Variants in CNTNAP4 observed in about 807,000 individuals in gnomAD.
CNTNAP4 encodes the protein contactin associated protein family member 4.
A neutral mutation model predicts 148.4 loss-of-function variants in CNTNAP4; 98 were observed. The ratio of observed to expected loss-of-function variants is 0.66; its 90% CI spans 0.56 to 0.78. The LOEUF (loss-of-function observed/expected upper bound fraction) is 0.78. CNTNAP4 is among the 30% of genes least tolerant of loss of function. CNTNAP4 has a pLI of 0.00. For synonymous variants in CNTNAP4, 730 were observed against 565.1 expected (o/e 1.29, Z -4.14); for missense variants, 1,935 against 1,565.6 (o/e 1.24, Z -3.98).
chr16:76,468,638 C>A (rs2081261091), intron 10 of CNTNAP4, among the ~76,000 whole-genome samples: 1 of 152,064 alleles, frequency 6.6e-6, no homozygotes, highest in South Asian at 2.1e-4. Context: ...GCACACAACA[C>A]CAGGCCTAGC....
At chr16:76,286,470 G>A (rs573007305) in intron 1 of CNTNAP4, among the ~76,000 whole-genome samples, 4 of 152,046 alleles carry the variant, frequency 2.6e-5, no homozygotes, top group African/African-American at 4.8e-5. Context: ...ACCCTTTTGC[G>A]ATCTCAAAGA....
intron 2 of CNTNAP4, among the ~76,000 whole-genome samples, chr16:76,336,867 CTG>C (rs1404605138): frequency 6.6e-6 from 1 of 152,146 alleles, no homozygotes; most frequent in Admixed American, 6.5e-5. Context: ...CCAGAAATCT[CTG>C]TTAGGGCCAC....
At chr16:76,303,923 C>A (rs1434320219) in intron 1 of CNTNAP4, among the ~76,000 whole-genome samples, 14 of 152,134 alleles carry the variant, frequency 9.2e-5, no homozygotes, top group Middle Eastern at 3.4e-3. Context: ...TGATTTCTCT[C>A]TTTCTCTTTG....
chr16:76,433,764 T>G (rs2079703098), intron 4 of CNTNAP4, among the ~76,000 whole-genome samples: 1 of 152,122 alleles, frequency 6.6e-6, no homozygotes, highest in Non-Finnish European at 1.5e-5. Flanking sequence ...ACCTATTTAT[T>G]GAGCAACTCC....
Position 76,507,695 on chromosome 16 carries a change from A to C in CNTNAP4, c.2365+9001A>C, listed in dbSNP as rs879414687. On this transcript the variant is annotated intron_variant, in intron 15 of 23. Coordinates refer to ENST00000611870, the MANE Select transcript of CNTNAP4 (RefSeq NM_033401.5). ...ACATAGGGCCTGCCCAAGTGTTCTA[A>C]CTGTAGTTGCAGTATGTTCAGAACC... 2.0e-5 allele frequency among the ~76,000 whole-genome samples: 2 copies of C among 98,026 alleles called. 1 individual carries two copies. The highest frequency in any genetic ancestry group is 2.0e-4 in the Admixed American group (2 of 10,044). The allele number at this position is 98,026 out of a possible 152,430, so 64.3% of individuals were successfully genotyped here.
chr16:76,450,914 G>C (rs142211412), intron 7 of CNTNAP4, among the ~76,000 whole-genome samples: 20 of 152,310 alleles, frequency 1.3e-4, no homozygotes, highest in Non-Finnish European at 2.1e-4. Context: ...GAAGTGCGAG[G>C]ATCAGAGAAG....
chr16:76,515,387 C>T (rs1344005219), intron 15 of CNTNAP4, among the ~76,000 whole-genome samples: 1 of 152,070 alleles, frequency 6.6e-6, no homozygotes, highest in African/African-American at 2.4e-5. Context: ...GGGTGGTGCC[C>T]TAATTCAATA....
At chr16:76,397,604 T>G (rs898191788) in intron 3 of CNTNAP4, among the ~76,000 whole-genome samples, 2 of 152,022 alleles carry the variant, frequency 1.3e-5, no homozygotes, top group East Asian at 3.9e-4. Context: ...GCAGTAAATA[T>G]TTAACAATTA....
At chr16:76,336,366 G>T (rs767196392) in intron 2 of CNTNAP4, among the ~76,000 whole-genome samples, 1 of 152,180 alleles carries the variant, frequency 6.6e-6, no homozygotes, top group Non-Finnish European at 1.5e-5. Flanking sequence ...GCATTATCAA[G>T]TTGTTAGCTT....
chr16:76,294,257 G>C (rs1259987997), intron 1 of CNTNAP4, among the ~76,000 whole-genome samples: 1 of 152,154 alleles, frequency 6.6e-6, no homozygotes, highest in Non-Finnish European at 1.5e-5. Context: ...AGCAGACTGT[G>C]ATCCATACTA....
intron 3 of CNTNAP4, among the ~76,000 whole-genome samples, chr16:76,403,341 C>T (rs1040419877): frequency 1.3e-5 from 2 of 152,086 alleles, no homozygotes; most frequent in Non-Finnish European, 2.9e-5. Flanking sequence ...GATCCACCCA[C>T]CTCGGCCTCC....
At position 76,560,112 on chromosome 16, in the gene CNTNAP4, A is replaced by G. The variant is rs748623151; in HGVS notation, c.*1429A>G. 6.6e-6 allele frequency among the ~76,000 whole-genome samples: 1 copy of G among 152,182 alleles called. No homozygotes were observed. Among genetic ancestry groups the G allele is most frequent in the Non-Finnish European group, 1.5e-5 (1 of 68,018 alleles). ...CTTGAGACCATGCATACAAGGAACT[A>G]TCTTTGAATTCTGCAAGCCAATCAT... On this transcript the variant is annotated 3_prime_UTR_variant, in exon 24 of 24. Transcript: ENST00000611870.
chr16:76,542,998 T>C (rs1412437613), intron 21 of CNTNAP4, among the ~76,000 whole-genome samples: 1 of 152,214 alleles, frequency 6.6e-6, no homozygotes, highest in Non-Finnish European at 1.5e-5. Flanking sequence ...TAGAATAACA[T>C]TCACTATATA....
At chr16:76,489,090 A>G (rs941109772) in intron 12 of CNTNAP4, among the ~76,000 whole-genome samples, 2 of 152,178 alleles carry the variant, frequency 1.3e-5, no homozygotes, top group Non-Finnish European at 2.9e-5. Context: ...TCATAATTAA[A>G]TGTTGATTAA....
intron 3 of CNTNAP4, among the ~76,000 whole-genome samples, chr16:76,358,816 C>A (rs1469430685): frequency 6.6e-6 from 1 of 151,940 alleles, no homozygotes; most frequent in Non-Finnish European, 1.5e-5. Context: ...GATAAAACAA[C>A]CCCAAGTCTC....
intron 15 of CNTNAP4, among the ~76,000 whole-genome samples, chr16:76,520,030 C>T (rs1036248585): frequency 3.3e-5 from 5 of 152,152 alleles, no homozygotes; most frequent in African/African-American, 1.2e-4. Flanking sequence ...TGTTTTCCAA[C>T]ATCAGAGGAT....
rs573807022 is a variant in CNTNAP4 at position 76,445,649 on chromosome 16, A to G, written c.539-2363A>G. On this transcript the variant is annotated intron_variant, in intron 4 of 23. Transcript: ENST00000611870. ...ACAAAAGCTTTAGGTGCCACAGAAG[A>G]TACATATCATCATTATAATGTAATA... is the stretch of plus-strand genomic sequence containing the variant. 1.8e-4 allele frequency among the ~76,000 whole-genome samples: 28 copies of G among 152,298 alleles called. No homozygotes were observed. In the Middle Eastern group the frequency reaches 0.01, roughly 56 times the overall value.
intron 15 of CNTNAP4, among the ~76,000 whole-genome samples, chr16:76,510,102 A>T (rs1369030189): frequency 1.2e-4 from 5 of 41,100 alleles, no homozygotes; most frequent in African/African-American, 1.8e-4. Context: ...CATTTTTATC[A>T]CCCCCAAAGT....
At chr16:76,317,487 C>T (rs1597171405) in intron 2 of CNTNAP4, among the ~76,000 whole-genome samples, 1 of 152,210 alleles carries the variant, frequency 6.6e-6, no homozygotes, top group Admixed American at 6.5e-5. Flanking sequence ...TAAAATTCAT[C>T]TGCACATGCA....
Sources: allele counts gnomAD v4.1 joint callset (sites outside exome capture counted in the v4.1 genomes callset), GRCh38; gene constraint gnomAD v4.1.1; transcripts MANE v1.5; gene names NCBI Gene and HGNC (gene_info 2026-07-23, HGNC 2026-07-21).